PRPSAP1: variants seen among roughly 807,000 people sequenced by gnomAD.
The protein encoded by PRPSAP1 is phosphoribosyl pyrophosphate synthetase associated protein 1.
In PRPSAP1, 31 loss-of-function variants were observed where a neutral mutation model predicts 39.4. The observed-to-expected ratio is 0.79, with a 90% confidence interval of 0.59 to 1.06. The LOEUF (loss-of-function observed/expected upper bound fraction) is 1.06. Among genes scored for constraint, PRPSAP1 ranks in the 50% least tolerant of loss-of-function variants. PRPSAP1 has a pLI of 0.00. For synonymous variants in PRPSAP1, 212 were observed against 192.6 expected (o/e 1.10, Z -0.83); for missense variants, 430 against 511.6 (o/e 0.84, Z 1.54).
chr17:76,340,720 G>A lies in PRPSAP1; in HGVS notation c.290+3951C>T, dbSNP rs146286790. Among the ~76,000 whole-genome samples the A allele has an allele frequency of 5.6e-3, 845 of 152,002 alleles. 1 individual carries two copies. Among genetic ancestry groups the A allele is most frequent in the Admixed American group, 8.2e-3 (125 of 15,252 alleles). On this transcript the variant is annotated intron_variant, in intron 3 of 9. Coordinates refer to ENST00000446526, the MANE Select transcript of PRPSAP1 (RefSeq NM_002766.3). ...AGCCTGACCAACATGGAGAAACCCC[G>A]TCACTACTAAAAATACAAAATTAGC...
chr17:76,344,641 GAA>G lies in PRPSAP1; in HGVS notation c.290+28_290+29del, dbSNP rs756473082. On this transcript the variant is annotated intron_variant, in intron 3 of 9. Coordinates refer to ENST00000446526, the MANE Select transcript of PRPSAP1 (RefSeq NM_002766.3). Reference sequence around the variant, plus strand: ...CAATTATATTGTTAAGGTTTTTACAGAAAAGAGATAAAGTAGTCAGTCCTCTT... The same window carrying G: ...CAATTATATTGTTAAGGTTTTTACAGAAGAGATAAAGTAGTCAGTCCTCTT... 17 of 1,454,500 alleles carry G rather than the reference GAA, an allele frequency of 1.2e-5. No homozygotes were observed. The East Asian group carries it at 3.6e-4, about 31-fold the overall frequency. 90.1% of individuals were successfully genotyped at this position (1,454,500 alleles called of 1,614,324 possible).
chr17:76,313,682 G>C (rs1427684143), intron 8 of PRPSAP1, 139 bp downstream of exon 8: 27 of 883,170 alleles, frequency 3.1e-5, no homozygotes, highest in Middle Eastern at 4.5e-4. Context: ...TCTGCCACTT[G>C]GCACAAGGGA....
At chr17:76,353,400 G>T in intron 1 of PRPSAP1, 134 bp downstream of exon 1, 2 of 917,318 alleles carry the variant, frequency 2.2e-6, no homozygotes, top group Non-Finnish European at 3.0e-6. Flanking sequence ...TCCAAGCTTT[G>T]TCCGGCTGGG....
At chr17:76,313,222 C>T (rs1256680466) in intron 8 of PRPSAP1, 5 of 498,460 alleles carry the variant, frequency 1.0e-5, no homozygotes, top group South Asian at 3.9e-5. Context: ...CAGAGGCGGG[C>T]GCAGTCAAGC....
Position 76,345,789 on chromosome 17 carries a change from C to CA in PRPSAP1, c.224-1053dup, listed in dbSNP as rs201569812. The CA allele has an allele frequency of 9.6e-3, 3,069 of 318,118 alleles. 94 individuals carry two copies. The highest frequency in any genetic ancestry group is 0.061 in the African/African-American group (2,748 of 44,748). 19.7% of individuals were successfully genotyped at this position (318,118 alleles called of 1,614,324 possible). A position where few individuals can be genotyped will look rare whatever the true frequency, so the allele number is the denominator to read the frequency against. On this transcript the variant is annotated intron_variant, in intron 2 of 9. Coordinates refer to ENST00000446526, the MANE Select transcript of PRPSAP1 (RefSeq NM_002766.3). ...CGACTGAGCGCAGTCCGTGCACCGC[C>CA]ACTGCATCCCGCTCCCAGTGCCTAC... is the stretch of plus-strand genomic sequence containing the variant.
intron 3 of PRPSAP1, among the ~76,000 whole-genome samples, chr17:76,338,426 G>C (rs926614148): frequency 2.6e-5 from 4 of 152,160 alleles, no homozygotes; most frequent in Non-Finnish European, 4.4e-5. Context: ...AACCAGGTCG[G>C]GCACAGTGGC....
At chr17:76,338,423 T>A (rs1471080881) in intron 3 of PRPSAP1, among the ~76,000 whole-genome samples, 1 of 152,076 alleles carries the variant, frequency 6.6e-6, no homozygotes, top group East Asian at 1.9e-4. Flanking sequence ...AAAAACCAGG[T>A]CGGGCACAGT....
In PRPSAP1 at chr17:76,353,593, G is replaced by C; in HGVS notation, c.111C>G (p.Tyr37Ter). The change falls in exon 1 of 10, where the codon TAC becomes TAG. Residue 37 changes from tyrosine (Y) to a stop codon, truncating the protein, a stop_gained. Transcript: ENST00000446526. LOFTEE classifies it high-confidence loss of function. ...PPAMNAARTG[Y>*]RVFSANSTAA... The stretch of plus-strand genomic sequence containing the variant: ...CCGTGGAGTTGGCCGAGAAGACTCG[G>C]TAGCCGGTGCGAGCGGCGTTCATGG... 1 of 1,562,102 alleles carries C rather than the reference G, an allele frequency of 6.4e-7. No individual in the cohort carries two copies. Among genetic ancestry groups the C allele is most frequent in the Non-Finnish European group, 8.6e-7 (1 of 1,159,218 alleles).
At chr17:76,340,727 C>A (rs1372425288) in intron 3 of PRPSAP1, among the ~76,000 whole-genome samples, 1 of 151,910 alleles carries the variant, frequency 6.6e-6, no homozygotes, top group African/African-American at 2.4e-5. Context: ...CCCGTCACTA[C>A]TAAAAATACA....
chr17:76,347,276 C>A (rs987139049), intron 2 of PRPSAP1, among the ~76,000 whole-genome samples: 1 of 151,662 alleles, frequency 6.6e-6, no homozygotes, highest in Non-Finnish European at 1.5e-5. Context: ...CACCTGAGGT[C>A]AGGAGTTCAA....
At chr17:76,316,673 C>T (rs60708684) in intron 7 of PRPSAP1, among the ~76,000 whole-genome samples, 11,148 of 152,208 alleles carry the variant, frequency 0.073, 747 homozygotes, top group African/African-American at 0.18. Context: ...AAATCTAATC[C>T]ATGAATAAAA....
intron 3 of PRPSAP1, among the ~76,000 whole-genome samples, chr17:76,338,266 G>A (rs2071399570): frequency 6.6e-6 from 1 of 152,180 alleles, no homozygotes; most frequent in East Asian, 1.9e-4. Flanking sequence ...CAACAGCTCT[G>A]AAGGCAACTA....
At chr17:76,325,174 C>T (rs2071241571) in intron 7 of PRPSAP1, among the ~76,000 whole-genome samples, 1 of 151,368 alleles carries the variant, frequency 6.6e-6, no homozygotes, top group South Asian at 2.1e-4. Flanking sequence ...CTTTGGGAAG[C>T]CGAGGCGGGC....
intron 7 of PRPSAP1, among the ~76,000 whole-genome samples, chr17:76,326,953 T>TA (rs1451898570): frequency 2.0e-5 from 3 of 151,942 alleles, no homozygotes; most frequent in Non-Finnish European, 2.9e-5. Context: ...CCCATGTATA[T>TA]AAATGTTAAA....
At chr17:76,338,149 A>G (rs979009241) in intron 3 of PRPSAP1, among the ~76,000 whole-genome samples, 1 of 152,112 alleles carries the variant, frequency 6.6e-6, no homozygotes, top group Admixed American at 6.6e-5. Flanking sequence ...AAAGGTTGCT[A>G]TTATTAGAAC....
At chr17:76,333,446 C>T (rs925327193) in intron 3 of PRPSAP1, among the ~76,000 whole-genome samples, 4 of 151,910 alleles carry the variant, frequency 2.6e-5, no homozygotes, top group Non-Finnish European at 2.9e-5. Context: ...GGAGGCTGGA[C>T]GCAGCCCAGC....
chr17:76,341,906 C>T (rs1287511986), intron 3 of PRPSAP1, among the ~76,000 whole-genome samples: 2 of 152,118 alleles, frequency 1.3e-5, no homozygotes, highest in African/African-American at 4.8e-5. Context: ...GCCACTGCAC[C>T]CCAGCCTGGG....
intron 6 of PRPSAP1, 87 bp downstream of exon 6, chr17:76,329,956 C>T (rs751937840): frequency 1.1e-5 from 15 of 1,319,588 alleles, no homozygotes; most frequent in South Asian, 3.7e-5. Flanking sequence ...TCAAAGGCCA[C>T]GAGTGACAGC....
intron 2 of PRPSAP1, chr17:76,346,079 C>T: frequency 3.1e-6 from 1 of 324,556 alleles, no homozygotes; most frequent in South Asian, 2.9e-5. Flanking sequence ...ACACACCAGG[C>T]ACCTGCTGGA....
Sources: allele counts gnomAD v4.1 joint callset (sites outside exome capture counted in the v4.1 genomes callset), GRCh38; gene constraint gnomAD v4.1.1; transcripts MANE v1.5; gene names NCBI Gene and HGNC (gene_info 2026-07-23, HGNC 2026-07-21).